GTF2I: variants seen among roughly 807,000 people sequenced by gnomAD.
The protein encoded by GTF2I is general transcription factor IIi.
In GTF2I, 12 loss-of-function variants were observed where a neutral mutation model predicts 67.6. The ratio of observed to expected loss-of-function variants is 0.18; its 90% confidence interval spans 0.11 to 0.29. GTF2I has a LOEUF of 0.29. Among genes scored for constraint, GTF2I ranks in the 10% least tolerant of loss-of-function variants. The pLI is 1.00. For synonymous variants in GTF2I, 149 were observed against 197.0 expected (o/e 0.76, Z 2.04); for missense variants, 271 against 580.1 (o/e 0.47, Z 5.47).
rs377596543 is a variant in GTF2I at position 74,677,261 on chromosome 7, T to G, written c.-5-11863T>G. Among the ~76,000 whole-genome samples, 14 of 152,342 alleles carry G rather than the reference T, an allele frequency of 9.2e-5. No homozygotes were observed. The East Asian group carries it at 2.3e-3, about 25-fold the overall frequency. On this transcript the variant is annotated intron_variant, in intron 1 of 34. Coordinates refer to ENST00000573035, the MANE Select transcript of GTF2I (RefSeq NM_032999.4). The stretch of plus-strand genomic sequence containing the variant: ...GATCTTTTGGATTTATTTTAAGCAC[T>G]ATTTTAGGACAAAATATCTAACATT...
At chr7:74,743,770 G>GCTA in intron 20 of GTF2I, 3 of 282,668 alleles carry the variant, frequency 1.1e-5, no homozygotes, top group Non-Finnish European at 2.1e-5. Context: ...TGTAGTCCCA[G>GCTA]CTACTCGGGA....
chr7:74,688,061 T>C (rs1217648217), intron 1 of GTF2I, among the ~76,000 whole-genome samples: 2 of 152,202 alleles, frequency 1.3e-5, no homozygotes, highest in Non-Finnish European at 2.9e-5. Flanking sequence ...ATTGTTTTGG[T>C]TTTATTTTGG....
intron 1 of GTF2I, among the ~76,000 whole-genome samples, chr7:74,668,334 TGTG>T (rs1805169497): frequency 2.9e-4 from 1 of 3,454 alleles, no homozygotes; most frequent in Non-Finnish European, 4.2e-4. Flanking sequence ...AAGCCCATTG[TGTG>T]TGTGTGTGTG....
chr7:74,731,520 G>A (rs1794472913), intron 14 of GTF2I, among the ~76,000 whole-genome samples: 1 of 142,386 alleles, frequency 7.0e-6, no homozygotes, highest in Non-Finnish European at 1.5e-5. Context: ...CACCTTTTTT[G>A]CCCGTGGTTT....
chr7:74,702,443 G>T (rs1789930375), intron 6 of GTF2I, among the ~76,000 whole-genome samples: 1 of 152,102 alleles, frequency 6.6e-6, no homozygotes, highest in Non-Finnish European at 1.5e-5. Context: ...GGCCAGGATG[G>T]TCTCAATCTC....
At chr7:74,664,055 C>G (rs987496868) in intron 1 of GTF2I, among the ~76,000 whole-genome samples, 1 of 152,136 alleles carries the variant, frequency 6.6e-6, no homozygotes, top group African/African-American at 2.4e-5. Flanking sequence ...TCTCAAACTC[C>G]TGACCTCAGG....
At chr7:74,705,853 C>G (rs1261571303) in intron 7 of GTF2I, among the ~76,000 whole-genome samples, 1 of 149,834 alleles carries the variant, frequency 6.7e-6, no homozygotes, top group African/African-American at 2.5e-5. Context: ...CATGAGCCAC[C>G]ACGCCTGGCC....
At chr7:74,684,346 G>A (rs1488452289) in intron 1 of GTF2I, among the ~76,000 whole-genome samples, 6 of 152,212 alleles carry the variant, frequency 3.9e-5, no homozygotes, top group African/African-American at 9.6e-5. Flanking sequence ...CCAGGGGCAC[G>A]CAGCGAGATG....
chr7:74,693,114 C>T (rs73368303), intron 3 of GTF2I, among the ~76,000 whole-genome samples: 6 of 151,992 alleles, frequency 3.9e-5, no homozygotes, highest in African/African-American at 1.4e-4. Flanking sequence ...AGTTTTCACA[C>T]ATTGAAGATT....
intron 1 of GTF2I, among the ~76,000 whole-genome samples, chr7:74,662,906 C>T (rs1446515333): frequency 6.6e-6 from 1 of 152,066 alleles, no homozygotes; most frequent in Admixed American, 6.6e-5. Context: ...GATGACCCCC[C>T]TCCTTTCCCC....
chr7:74,733,737 G>T (rs1794674605), intron 15 of GTF2I, 186 bp from the exon 16 acceptor site: 2 of 236,392 alleles, frequency 8.5e-6, no homozygotes, highest in Non-Finnish European at 1.6e-5. Flanking sequence ...TTGCACTCCA[G>T]CCTGGGAACA....
At chr7:74,712,152 T>C (rs1554402691) in intron 9 of GTF2I, among the ~76,000 whole-genome samples, 1 of 152,148 alleles carries the variant, frequency 6.6e-6, no homozygotes, top group African/African-American at 2.4e-5. Flanking sequence ...GGTTTCACCA[T>C]GTTGGCCAGG....
In GTF2I at chr7:74,757,613, AAAAC is replaced by A. The variant is rs1356629883; in HGVS notation, c.2897-342_2897-339del. Among the ~76,000 whole-genome samples the A allele has an allele frequency of 1.4e-4, 7 of 51,650 alleles. 2 individuals are homozygous for A. In the Admixed American group the frequency reaches 2.0e-3, roughly 15 times the overall value. The allele number at this position is 51,650 out of a possible 152,430, so 33.9% of individuals were successfully genotyped here. On this transcript the variant is annotated intron_variant, in intron 32 of 34. Transcript: ENST00000573035. ...TCTCAAAAAAACAAACATACGAAGA[AAAAC>A]AAAAAAAGTAATGAAAAGCTTTTAT...
chr7:74,732,978 T>G (rs189569535), intron 15 of GTF2I, among the ~76,000 whole-genome samples: 1 of 151,754 alleles, frequency 6.6e-6, no homozygotes, highest in East Asian at 1.9e-4. Context: ...TATATATTTT[T>G]TTTTTCGAGA....
intron 9 of GTF2I, among the ~76,000 whole-genome samples, chr7:74,712,625 C>T (rs1438785849): frequency 2.7e-5 from 4 of 149,138 alleles, no homozygotes; most frequent in East Asian, 2.0e-4. Flanking sequence ...TATAGTCTGT[C>T]ACTCAATTTA....
chr7:74,724,782 G>A (rs1037302395), intron 12 of GTF2I, among the ~76,000 whole-genome samples: 3 of 152,036 alleles, frequency 2.0e-5, no homozygotes, highest in African/African-American at 4.8e-5. Flanking sequence ...TTAGCTGGGC[G>A]TGGTGGTGGG....
At chr7:74,698,078 C>A (rs1789165636) in intron 3 of GTF2I, among the ~76,000 whole-genome samples, 1 of 152,210 alleles carries the variant, frequency 6.6e-6, no homozygotes, top group Non-Finnish European at 1.5e-5. Context: ...GCCCCAGCCT[C>A]CTGAGTAGCT....
rs587703189 is a variant in GTF2I at position 74,724,418 on chromosome 7, C to G, written c.944-4368C>G. Reference sequence around the variant, plus strand: ...TAACATAGTCTATTTATTGATTCACCGGCCAGAATGCAGTGATAAACAGCT... The same window carrying G: ...TAACATAGTCTATTTATTGATTCACGGGCCAGAATGCAGTGATAAACAGCT... On this transcript the variant is annotated intron_variant, in intron 12 of 34. Transcript: ENST00000573035. 2.0e-5 allele frequency among the ~76,000 whole-genome samples: 3 copies of G among 152,180 alleles called. No individual in the cohort carries two copies. The South Asian group carries it at 6.2e-4, about 32-fold the overall frequency.
intron 1 of GTF2I, among the ~76,000 whole-genome samples, chr7:74,666,970 A>G (rs1805039029): frequency 6.6e-6 from 1 of 151,790 alleles, no homozygotes; most frequent in Admixed American, 6.6e-5. Flanking sequence ...ACAGTGTGAC[A>G]CTCTGTCTCA....
Sources: gnomAD v4.1 joint callset for allele counts (sites outside exome capture counted in the v4.1 genomes callset) on GRCh38, gnomAD v4.1.1 for gene constraint, MANE v1.5 for transcripts, NCBI Gene and HGNC (gene_info 2026-07-23, HGNC 2026-07-21) for gene names.